Variants in UVRAG observed in about 807,000 individuals in gnomAD.
UVRAG encodes UV radiation resistance-associated gene protein.
A neutral mutation model predicts 78.0 loss-of-function variants in UVRAG; 19 were observed. The ratio of observed to expected loss-of-function variants is 0.24; its 90% confidence interval spans 0.17 to 0.36. The LOEUF (loss-of-function observed/expected upper bound fraction) is 0.36, where lower values mean the gene tolerates loss of function less well. UVRAG is among the 10% of genes least tolerant of loss of function. UVRAG has a pLI of 1.00. For synonymous variants in UVRAG, 323 were observed against 324.6 expected (o/e 1.00, Z 0.05); for missense variants, 740 against 853.8 (o/e 0.87, Z 1.66).
chr11:76,127,160 C>G (rs1420713586), intron 14 of UVRAG, among the ~76,000 whole-genome samples: 1 of 152,176 alleles, frequency 6.6e-6, no homozygotes, highest in Non-Finnish European at 1.5e-5. Flanking sequence ...TTATACATCT[C>G]TTTATTTCCA....
chr11:76,035,801 T>G (rs535566899), intron 12 of UVRAG, among the ~76,000 whole-genome samples: 79 of 152,310 alleles, frequency 5.2e-4, no homozygotes, highest in African/African-American at 1.9e-3. Flanking sequence ...TGAAACAGAC[T>G]AAGAAAGTGA....
chr11:76,118,620 A>G (rs1952225671), intron 14 of UVRAG, among the ~76,000 whole-genome samples: 1 of 152,164 alleles, frequency 6.6e-6, no homozygotes, highest in Non-Finnish European at 1.5e-5. Flanking sequence ...TTTATTCTGA[A>G]TCTGTTGAGG....
intron 13 of UVRAG, among the ~76,000 whole-genome samples, chr11:76,067,564 C>G (rs903394747): frequency 2.6e-5 from 4 of 151,906 alleles, no homozygotes; most frequent in Non-Finnish European, 4.4e-5. Flanking sequence ...GGAGACCAGC[C>G]TGGGCAACAT....
At chr11:75,955,315 T>C (rs767666000) in intron 6 of UVRAG, among the ~76,000 whole-genome samples, 7 of 152,136 alleles carry the variant, frequency 4.6e-5, no homozygotes, top group Non-Finnish European at 8.8e-5. Flanking sequence ...AATAGCTGTA[T>C]TGAGAGTTGG....
chr11:76,017,479 C>T (rs1202862511), intron 12 of UVRAG, among the ~76,000 whole-genome samples: 1 of 151,832 alleles, frequency 6.6e-6, no homozygotes, highest in Non-Finnish European at 1.5e-5. Flanking sequence ...GAGGTAAACA[C>T]AAAATTTTAA....
chr11:75,989,593 A>G (rs1462305527), intron 8 of UVRAG, among the ~76,000 whole-genome samples: 1 of 152,176 alleles, frequency 6.6e-6, no homozygotes, highest in Non-Finnish European at 1.5e-5. Flanking sequence ...TCAGAAATAG[A>G]AGTCTTTTTT....
intron 1 of UVRAG, among the ~76,000 whole-genome samples, chr11:75,832,507 G>A (rs1302259182): frequency 6.6e-6 from 1 of 152,192 alleles, no homozygotes; most frequent in East Asian, 1.9e-4. Flanking sequence ...GCAAGGTATG[G>A]GGGAAGGGAC....
At chr11:76,101,906 T>G (rs1305518739) in intron 13 of UVRAG, among the ~76,000 whole-genome samples, 1 of 152,196 alleles carries the variant, frequency 6.6e-6, no homozygotes, top group Non-Finnish European at 1.5e-5. Context: ...TACAGCCTTA[T>G]TTGGGGGGTC....
intron 6 of UVRAG, chr11:75,934,906 A>G (rs1995892): frequency 0.54 from 81,605 of 152,010 alleles, 23,549 homozygotes; most frequent in African/African-American, 0.76. Context: ...GAAATGTCAT[A>G]TGGGAATCTC....
intron 5 of UVRAG, among the ~76,000 whole-genome samples, chr11:75,906,522 A>G (rs550095295): frequency 3.3e-5 from 5 of 151,872 alleles, no homozygotes; most frequent in African/African-American, 1.2e-4. Flanking sequence ...TAATTTTTGT[A>G]TTTTTAGGAG....
chr11:75,915,978 C>T (rs1591013588), intron 6 of UVRAG, among the ~76,000 whole-genome samples: 1 of 152,152 alleles, frequency 6.6e-6, no homozygotes, highest in South Asian at 2.1e-4. Flanking sequence ...CTAATCTGTT[C>T]TCTGACTGAG....
intron 14 of UVRAG, among the ~76,000 whole-genome samples, chr11:76,125,691 TTTTACTTGGGTCTTCTTTATTTCTA>T (rs1440005618): frequency 2.6e-5 from 4 of 152,210 alleles, no homozygotes; most frequent in Non-Finnish European, 5.9e-5. Context: ...TTCCCATTGT[TTTTACTTGGGTCTTCTTTATTTCTA>T]TTTACTCCTT....
At chr11:75,916,681 G>C (rs532991977) in intron 6 of UVRAG, 1 of 152,226 alleles carries the variant, frequency 6.6e-6, no homozygotes, top group Non-Finnish European at 1.5e-5. Context: ...TGGAAGGATG[G>C]GAGATAATTC....
chr11:75,945,280 T>A (rs1434661203), intron 6 of UVRAG, among the ~76,000 whole-genome samples: 1 of 152,074 alleles, frequency 6.6e-6, no homozygotes, highest in East Asian at 1.9e-4. Flanking sequence ...TAATCTTTAT[T>A]ACAGTCTGTT....
At chr11:76,039,806 C>T (rs370960237) in intron 12 of UVRAG, among the ~76,000 whole-genome samples, 150 of 152,190 alleles carry the variant, frequency 9.9e-4, no homozygotes, top group Non-Finnish European at 1.7e-3. Context: ...ACCCAGGAGG[C>T]GGAGGTTGCA....
chr11:76,027,649 C>T (rs1211980741), intron 12 of UVRAG, among the ~76,000 whole-genome samples: 1 of 152,004 alleles, frequency 6.6e-6, no homozygotes, highest in Non-Finnish European at 1.5e-5. Context: ...CAGTGCTTGG[C>T]ATACAGAAAA....
intron 14 of UVRAG, among the ~76,000 whole-genome samples, chr11:76,125,629 C>T (rs1051813032): frequency 7.2e-5 from 11 of 152,170 alleles, no homozygotes; most frequent in South Asian, 2.1e-4. Context: ...ATCCCGGCGC[C>T]GCCTCTCCCC....
At chr11:75,864,768 G>A (rs1946501889) in intron 3 of UVRAG, among the ~76,000 whole-genome samples, 1 of 152,186 alleles carries the variant, frequency 6.6e-6, no homozygotes, top group Non-Finnish European at 1.5e-5. Flanking sequence ...AGATACTAAA[G>A]GATTAGGCAA....
intron 12 of UVRAG, among the ~76,000 whole-genome samples, chr11:76,052,507 C>G (rs1044454654): frequency 4.6e-5 from 7 of 152,212 alleles, no homozygotes; most frequent in African/African-American, 1.7e-4. Context: ...TGAACTCATA[C>G]CAGTCGGCCT....
Sources: gnomAD v4.1 joint callset for allele counts (sites outside exome capture counted in the v4.1 genomes callset) on GRCh38, gnomAD v4.1.1 for gene constraint, MANE v1.5 for transcripts, NCBI Gene and HGNC (gene_info 2026-07-23, HGNC 2026-07-21) for gene names.